The following DNAH5 variants were observed in gnomAD, a reference collection of about 807,000 sequenced individuals.
DNAH5 encodes the protein axonemal beta dynein heavy chain 5.
DNAH5 carries 372 observed loss-of-function variants against 518.2 expected under a neutral mutation model. The ratio of observed to expected loss-of-function variants is 0.72; its 90% confidence interval spans 0.66 to 0.78. The LOEUF (loss-of-function observed/expected upper bound fraction) is 0.78. Ranked by LOEUF, DNAH5 falls within the 30% of genes least tolerant of loss-of-function variation. The pLI is 0.00. For synonymous variants in DNAH5, 2,039 were observed against 2,025.9 expected (o/e 1.01, Z -0.17); for missense variants, 5,523 against 5,687.0 (o/e 0.97, Z 0.93).
intron 51 of DNAH5, among the ~76,000 whole-genome samples, 154 bp from the exon 52 acceptor site, chr5:13,786,505 A>T (rs1756043099): frequency 6.6e-6 from 1 of 152,238 alleles, no homozygotes; most frequent in African/African-American, 2.4e-5. Flanking sequence ...ACAGAAGACA[A>T]CAATAGAAGC....
At chr5:13,746,591 T>C (rs192497943) in intron 65 of DNAH5, among the ~76,000 whole-genome samples, 88 of 152,156 alleles carry the variant, frequency 5.8e-4, no homozygotes, top group African/African-American at 1.9e-3. Flanking sequence ...ATTTATGGGG[T>C]AGTGACTCTT....
rs1473064158 is a variant in DNAH5, at chr5:13,829,679, T to A, written c.6275A>T (p.Glu2092Val). Residue 2092 changes from glutamate (E) to valine (V), a missense_variant, in exon 38 of 79, where the codon GAA (glutamate) becomes GTA (valine). By Grantham distance (121) the Glu-to-Val change is moderately radical. Coordinates refer to ENST00000265104, the MANE Select transcript of DNAH5 (RefSeq NM_001369.3). The stretch of plus-strand genomic sequence containing the variant: ...ATTAATCTTCAAGTTTTCAGGGAGT[T>A]CCTGCCGTCCGGCATAGCCAGGATT... The part of the protein sequence containing the change: ...TMNPGYAGRQ[E>V]LPENLKINFR... 1 of 1,614,122 alleles carries A rather than the reference T, an allele frequency of 6.2e-7. No individual in the cohort carries two copies. The highest frequency in any genetic ancestry group is 1.1e-5 in the South Asian group (1 of 91,080).
In DNAH5 at chr5:13,893,419, G is replaced by A. The variant is rs113130181; in HGVS notation, c.2431+1231C>T. Among the ~76,000 whole-genome samples the A allele has an allele frequency of 1.1e-3, 163 of 152,232 alleles. 1 individual carries two copies. The highest frequency in any genetic ancestry group is 3.7e-3 in the African/African-American group (153 of 41,534). ...ATAAAATTATTGCTATTATGAATCT[G>A]CAAGTATATGGATGTCTCCTACACA... On this transcript the variant is annotated intron_variant, in intron 16 of 78. Transcript: ENST00000265104.
intron 76 of DNAH5, among the ~76,000 whole-genome samples, chr5:13,704,788 C>T (rs1316648255): frequency 6.6e-6 from 1 of 152,124 alleles, no homozygotes; most frequent in Non-Finnish European, 1.5e-5. Flanking sequence ...AACACTACAT[C>T]ATCTTACCTA....
chr5:13,917,237 A>C lies in DNAH5; in HGVS notation c.995T>G (p.Ile332Ser). 1 of 1,613,914 alleles carries C rather than the reference A, an allele frequency of 6.2e-7. No individual in the cohort carries two copies. Among genetic ancestry groups the C allele is most frequent in the South Asian group, 1.1e-5 (1 of 91,084 alleles). Residue 332 changes from isoleucine to serine, a missense_variant, in exon 8 of 79, where the codon ATT becomes AGT. Physicochemically the swap from Ile to Ser is moderately radical, Grantham distance 142. Around this residue, in one of 3 missense-constraint regions of DNAH5, gnomAD observed 5,121 missense variants for 5,223.3 expected, o/e 0.98. Coordinates refer to ENST00000265104, the MANE Select transcript of DNAH5 (RefSeq NM_001369.3). The part of the protein sequence containing the change: ...KLLKTWREMD[I>S]RITDATNEAK... The stretch of plus-strand genomic sequence containing the variant: ...TTCATTAGTTGCATCAGTGATTCGA[A>C]TATCCATCTCCCGCCAAGTCTAAGC...
rs1777393935 is a variant in DNAH5 at position 13,922,264 on chromosome 5, A to G, written c.503T>C (p.Leu168Pro). Residue 168 changes from leucine (L) to proline (P), a missense_variant, in exon 5 of 79, where the codon CTG becomes CCG. By Grantham distance (98) the Leu-to-Pro change is moderately conservative. Around this residue, in one of 3 missense-constraint regions of DNAH5, gnomAD observed 5,121 missense variants for 5,223.3 expected, o/e 0.98. Transcript: ENST00000265104. ...GAGAGCAGGAATGAAGATGTCCGAC[A>G]GCAAACGTCTCACACTGTTGAGCAG... ...GGLLNSVRRL[L>P]SDIFIPALRA... 2.5e-6 allele frequency: 4 copies of G among 1,613,878 alleles called. No individual in the cohort carries two copies. The highest frequency in any genetic ancestry group is 2.5e-6 in the Non-Finnish European group (3 of 1,179,908).
At chr5:13,812,784 A>G (rs531295625) in intron 43 of DNAH5, among the ~76,000 whole-genome samples, 2 of 152,314 alleles carry the variant, frequency 1.3e-5, no homozygotes, top group African/African-American at 4.8e-5. Flanking sequence ...ACCACTTAAC[A>G]CACAGCGTTT....
rs1038283561 is a variant in DNAH5 at position 13,822,684 on chromosome 5, C to T, written c.6687+579G>A. Among the ~76,000 whole-genome samples the T allele has an allele frequency of 3.9e-5, 6 of 152,142 alleles. No individual in the cohort carries two copies. The South Asian group carries it at 8.3e-4, about 21-fold the overall frequency. ...AAAAGAAATTGAGGCATAAGGTTTA[C>T]GTAATTAATTTTCATTCCTAGGAAG... On this transcript the variant is annotated intron_variant, in intron 40 of 78. Transcript: ENST00000265104.
At chr5:13,885,355 G>T in intron 18 of DNAH5, 127 bp from the exon 19 acceptor site, 1 of 1,200,714 alleles carries the variant, frequency 8.3e-7, no homozygotes, top group Non-Finnish European at 1.2e-6. Flanking sequence ...TGCAAGTTTA[G>T]TATCACTTAA....
intron 61 of DNAH5, among the ~76,000 whole-genome samples, chr5:13,755,766 T>C (rs977684577): frequency 1.3e-5 from 2 of 151,946 alleles, no homozygotes; most frequent in Non-Finnish European, 2.9e-5. Flanking sequence ...CATTGTTTAT[T>C]AGAAAAAAAA....
chr5:13,788,175 G>A (rs1375093298), intron 51 of DNAH5, among the ~76,000 whole-genome samples: 1 of 152,002 alleles, frequency 6.6e-6, no homozygotes, highest in Non-Finnish European at 1.5e-5. Flanking sequence ...TCATACAATT[G>A]GAAGTTTTCC....
intron 1 of DNAH5, among the ~76,000 whole-genome samples, chr5:13,974,247 C>T (rs1185164169): frequency 6.6e-6 from 1 of 151,614 alleles, no homozygotes; most frequent in African/African-American, 2.4e-5. Context: ...GCAATCCTCC[C>T]ATCACAAGTA....
chr5:14,007,007 G>T (rs1408647739), intron 1 of DNAH5, among the ~76,000 whole-genome samples: 2 of 152,020 alleles, frequency 1.3e-5, no homozygotes, highest in African/African-American at 2.4e-5. Flanking sequence ...GCCTCTCCTG[G>T]TCTCTTTCTG....
At chr5:13,845,075 G>T in intron 31 of DNAH5, 82 bp from the exon 32 acceptor site, 1 of 1,351,900 alleles carries the variant, frequency 7.4e-7, no homozygotes, top group Non-Finnish European at 1.0e-6. Context: ...GATGGGAAAA[G>T]GGGAGAAGAT....
intron 1 of DNAH5, among the ~76,000 whole-genome samples, chr5:13,981,308 T>C (rs1782658530): frequency 1.3e-5 from 2 of 152,234 alleles, no homozygotes; most frequent in Non-Finnish European, 2.9e-5. Context: ...TACTTGATCA[T>C]GAGCTCTTTA....
At chr5:13,886,479 G>T (rs560109417) in intron 17 of DNAH5, among the ~76,000 whole-genome samples, 27 of 152,102 alleles carry the variant, frequency 1.8e-4, no homozygotes, top group Admixed American at 4.6e-4. Flanking sequence ...CCTTGTTTTT[G>T]CCAACAAACC....
At position 13,770,876 on chromosome 5, in the gene DNAH5, A is replaced by G. The variant is rs770665819; in HGVS notation, c.9478T>C (p.Cys3160Arg). The change falls in exon 56 of 79, where the codon TGT becomes CGT. Residue 3160 changes from cysteine to arginine, a missense_variant. Physicochemically the swap from Cys to Arg is radical, Grantham distance 180 (BLOSUM62 -3). Transcript: ENST00000265104. ...GSFQDGVAEK[C>R]VDYFQRFRRS... Reference sequence around the variant, plus strand: ...CGGAATCTCTGAAAATAATCAACACACTTCTCAGCCACCCCATCCTGGAAG... The same window carrying G: ...CGGAATCTCTGAAAATAATCAACACGCTTCTCAGCCACCCCATCCTGGAAG... The G allele has an allele frequency of 2.9e-5, 47 of 1,613,666 alleles. No individual in the cohort carries two copies. The highest frequency in any genetic ancestry group is 3.8e-5 in the Non-Finnish European group (45 of 1,179,908).
At chr5:13,948,735 G>A (rs78028503), upstream of DNAH5, among the ~76,000 whole-genome samples, 6,693 of 152,224 alleles carry the variant, frequency 0.044, 181 homozygotes, top group African/African-American at 0.066. Flanking sequence ...CTGAATTAAT[G>A]AAAGTCTTGT....
At chr5:13,725,607 G>T (rs1252757593) in intron 70 of DNAH5, among the ~76,000 whole-genome samples, 1 of 152,148 alleles carries the variant, frequency 6.6e-6, no homozygotes, top group Non-Finnish European at 1.5e-5. Context: ...GCCTTTCAAT[G>T]GGGGAGAAAA....
Sources: gnomAD v4.1 joint callset for allele counts (sites outside exome capture counted in the v4.1 genomes callset) on GRCh38, gnomAD v4.1.1 for gene constraint, gnomAD v4.1.1 regional missense constraint, MANE v1.5 for transcripts, NCBI Gene and HGNC (gene_info 2026-07-23, HGNC 2026-07-21) for gene names.